Variants in AP3B1 observed in about 807,000 individuals in gnomAD.
AP3B1 encodes adaptor related protein complex 3 subunit beta 1.
AP3B1 carries 61 observed loss-of-function variants against 132.5 expected under a neutral mutation model. The observed-to-expected ratio is 0.46, with a 90% CI of 0.37 to 0.57. The LOEUF is 0.57. Ranked by LOEUF, AP3B1 falls within the 20% of genes least tolerant of loss-of-function variation. The pLI is 0.00. For missense variants in AP3B1, 1,120 were observed against 1,289.4 expected, an observed-to-expected ratio of 0.87 and a Z score of 2.01; for synonymous variants, 388 against 438.3, an observed-to-expected ratio of 0.89 and a Z score of 1.43.
chr5:78,060,382 A>G (rs1561380832), intron 22 of AP3B1, among the ~76,000 whole-genome samples: 1 of 152,234 alleles, frequency 6.6e-6, no homozygotes. Context: ...AATTTAATTC[A>G]GTCTGTATCG....
intron 12 of AP3B1, among the ~76,000 whole-genome samples, 192 bp downstream of exon 12, chr5:78,165,418 G>A (rs1221709065): frequency 1.3e-5 from 2 of 152,090 alleles, no homozygotes; most frequent in Non-Finnish European, 2.9e-5. Flanking sequence ...ATATGAAAGA[G>A]AATACTATGT....
intron 1 of AP3B1, among the ~76,000 whole-genome samples, chr5:78,277,597 T>G (rs1234933026): frequency 6.6e-6 from 1 of 151,466 alleles, no homozygotes; most frequent in Non-Finnish European, 1.5e-5. Context: ...ACCAAAGAAA[T>G]CATACAAGAT....
At chr5:78,129,464 T>C (rs1752601978) in intron 15 of AP3B1, among the ~76,000 whole-genome samples, 157 bp from the exon 16 acceptor site, 1 of 152,128 alleles carries the variant, frequency 6.6e-6, no homozygotes, top group Non-Finnish European at 1.5e-5. Flanking sequence ...AAATGGAATT[T>C]TGAAGCCAAA....
intron 22 of AP3B1, among the ~76,000 whole-genome samples, chr5:78,055,270 G>A (rs937482483): frequency 2.0e-5 from 3 of 152,184 alleles, no homozygotes; most frequent in African/African-American, 7.2e-5. Flanking sequence ...CAGGCTATAC[G>A]TATTTTTAAC....
intron 2 of AP3B1, among the ~76,000 whole-genome samples, chr5:78,255,995 G>A (rs996040340): frequency 2.0e-5 from 3 of 151,964 alleles, no homozygotes; most frequent in Admixed American, 6.6e-5. Context: ...TGACCAGTGG[G>A]TCAATGAAGT....
intron 7 of AP3B1, among the ~76,000 whole-genome samples, chr5:78,183,057 G>T (rs919192185): frequency 6.6e-6 from 1 of 152,172 alleles, no homozygotes; most frequent in Non-Finnish European, 1.5e-5. Flanking sequence ...AGTCAGCCCC[G>T]CCCACACCCT....
chr5:78,135,558 A>AAATG lies in AP3B1; in HGVS notation c.1650+5584_1650+5585insCATT, dbSNP rs1423316110. 5.3e-5 allele frequency among the ~76,000 whole-genome samples: 8 copies of AAATG among 152,204 alleles called. No homozygotes were observed. In the South Asian group the frequency reaches 1.7e-3, roughly 32 times the overall value. On this transcript the variant is annotated intron_variant, in intron 15 of 26. Coordinates refer to ENST00000255194, the MANE Select transcript of AP3B1 (RefSeq NM_003664.5). ...TCTTACATTAAATAAATAAATAAAT[A>AAATG]AATAAATAAAGGCAAATGTGAATAT...
intron 14 of AP3B1, among the ~76,000 whole-genome samples, chr5:78,143,509 C>T (rs1488169953): frequency 6.6e-6 from 1 of 152,046 alleles, no homozygotes; most frequent in Non-Finnish European, 1.5e-5. Flanking sequence ...TTGGTGATGG[C>T]ATTGTATTAC....
At chr5:78,125,629 A>AT (rs1286532936) in intron 17 of AP3B1, among the ~76,000 whole-genome samples, 1 of 152,134 alleles carries the variant, frequency 6.6e-6, no homozygotes, top group Non-Finnish European at 1.5e-5. Flanking sequence ...TTTTAAGCCA[A>AT]TTGTCTCAGA....
intron 15 of AP3B1, among the ~76,000 whole-genome samples, chr5:78,131,317 A>G (rs1279382622): frequency 6.6e-6 from 1 of 152,022 alleles, no homozygotes; most frequent in Non-Finnish European, 1.5e-5. Context: ...GAGTAATTAT[A>G]AAATTGTTGA....
At chr5:78,294,340 G>A in intron 1 of AP3B1, 112 bp downstream of exon 1, 1 of 1,520,712 alleles carries the variant, frequency 6.6e-7, no homozygotes, top group South Asian at 1.1e-5. Context: ...GCCCTGCCCT[G>A]CTCAGACCTC....
chr5:78,038,563 T>C (rs1747905456), intron 23 of AP3B1, among the ~76,000 whole-genome samples: 1 of 152,226 alleles, frequency 6.6e-6, no homozygotes, highest in Non-Finnish European at 1.5e-5. Flanking sequence ...GCTTGGTCTA[T>C]ATCCTCTCAG....
intron 24 of AP3B1, among the ~76,000 whole-genome samples, chr5:78,022,102 G>A (rs1313264273): frequency 6.6e-6 from 1 of 152,110 alleles, no homozygotes; most frequent in African/African-American, 2.4e-5. Context: ...ATTATGTATT[G>A]TATTCTTGTA....
intron 22 of AP3B1, among the ~76,000 whole-genome samples, chr5:78,053,697 A>AGG (rs1561376794): frequency 7.0e-6 from 1 of 142,746 alleles, no homozygotes; most frequent in African/African-American, 2.7e-5. Context: ...AAAAAAAAAA[A>AGG]GAAAGAAAAG....
At chr5:78,097,333 T>G (rs1261136670) in intron 21 of AP3B1, among the ~76,000 whole-genome samples, 4 of 94,574 alleles carry the variant, frequency 4.2e-5, no homozygotes, top group Non-Finnish European at 8.5e-5. Flanking sequence ...GGGAGGGAGG[T>G]GGGGGGGTCA....
At chr5:78,276,683 C>G (rs1029997287) in intron 1 of AP3B1, among the ~76,000 whole-genome samples, 13 of 151,834 alleles carry the variant, frequency 8.6e-5, no homozygotes, top group Non-Finnish European at 1.5e-4. Context: ...GCCTGGGCAA[C>G]ACGGCAAGAC....
intron 1 of AP3B1, among the ~76,000 whole-genome samples, chr5:78,276,258 G>A (rs1397476940): frequency 6.6e-6 from 1 of 151,912 alleles, no homozygotes; most frequent in Non-Finnish European, 1.5e-5. Flanking sequence ...TGTAGAGATA[G>A]GGTCTCCCTA....
chr5:78,035,119 T>C (rs1350165609), intron 23 of AP3B1, among the ~76,000 whole-genome samples: 1 of 151,902 alleles, frequency 6.6e-6, no homozygotes, highest in Non-Finnish European at 1.5e-5. Flanking sequence ...ACTAACCAAG[T>C]ATAGGAAATA....
At chr5:78,191,093 T>C (rs1328670071) in intron 7 of AP3B1, among the ~76,000 whole-genome samples, 1 of 152,200 alleles carries the variant, frequency 6.6e-6, no homozygotes, top group Non-Finnish European at 1.5e-5. Flanking sequence ...AAAGATGTCA[T>C]TTTTAACTAA....
Sources: allele counts gnomAD v4.1 joint callset (sites outside exome capture counted in the v4.1 genomes callset), GRCh38; gene constraint gnomAD v4.1.1; transcripts MANE v1.5; gene names NCBI Gene and HGNC (gene_info 2026-07-23, HGNC 2026-07-21).